The following TSHZ2 variants were observed in gnomAD, a reference collection of about 807,000 sequenced individuals.
TSHZ2 encodes teashirt homolog 2.
Under a neutral mutation model 74.4 loss-of-function variants are expected in TSHZ2, and 21 were observed. The ratio of observed to expected loss-of-function variants is 0.28; its 90% CI spans 0.20 to 0.41. The LOEUF (loss-of-function observed/expected upper bound fraction) is 0.41. Ranked by LOEUF, TSHZ2 falls within the 10% of genes least tolerant of loss-of-function variation. The pLI, the probability that TSHZ2 is intolerant of heterozygous loss-of-function variation, is 1.00. For synonymous variants in TSHZ2, 540 were observed against 515.3 expected, an observed-to-expected ratio of 1.05 and a Z score of -0.65; for missense variants, 1,244 against 1,293.5, an observed-to-expected ratio of 0.96 and a Z score of 0.59.
At chr20:53,209,397 T>C (rs1260898578) in intron 1 of TSHZ2, among the ~76,000 whole-genome samples, 1 of 152,202 alleles carries the variant, frequency 6.6e-6, no homozygotes, top group Non-Finnish European at 1.5e-5. Flanking sequence ...AAAATGCACA[T>C]ATAATTTAAC....
chr20:53,269,286 T>A (rs1990780414), intron 2 of TSHZ2, among the ~76,000 whole-genome samples: 1 of 146,606 alleles, frequency 6.8e-6, no homozygotes, highest in African/African-American at 2.5e-5. Context: ...GTGAAATGGA[T>A]GGTGCCACTT....
chr20:53,370,803 T>C (rs1191023073), intron 2 of TSHZ2, among the ~76,000 whole-genome samples: 1 of 152,038 alleles, frequency 6.6e-6, no homozygotes, highest in Non-Finnish European at 1.5e-5. Context: ...TAAAACACAT[T>C]TGTGGGTTGG....
At chr20:53,144,295 G>T (rs2123423582) in intron 1 of TSHZ2, among the ~76,000 whole-genome samples, 1 of 152,308 alleles carries the variant, frequency 6.6e-6, no homozygotes, top group East Asian at 1.9e-4. Flanking sequence ...AGACAGGAAG[G>T]GGATTTGTTT....
intron 2 of TSHZ2, among the ~76,000 whole-genome samples, chr20:53,432,454 G>C (rs1983880253): frequency 6.6e-6 from 1 of 152,174 alleles, no homozygotes; most frequent in Non-Finnish European, 1.5e-5. Flanking sequence ...GGTGCCTTTT[G>C]ATATAACAAT....
intron 1 of TSHZ2, chr20:53,196,241 TC>T (rs1988862470): frequency 6.6e-6 from 1 of 152,094 alleles, no homozygotes. Flanking sequence ...AGAGTCCCTT[TC>T]CCTCTCAATG....
intron 2 of TSHZ2, among the ~76,000 whole-genome samples, chr20:53,329,881 A>C (rs1400931151): frequency 1.3e-5 from 2 of 152,238 alleles, no homozygotes; most frequent in Admixed American, 1.3e-4. Flanking sequence ...TATCACTAAC[A>C]TTTTGGGACA....
intron 2 of TSHZ2, among the ~76,000 whole-genome samples, chr20:53,285,828 C>T (rs928133452): frequency 1.3e-5 from 2 of 152,176 alleles, no homozygotes; most frequent in Non-Finnish European, 2.9e-5. Flanking sequence ...CACAAAGGAT[C>T]TGTCAGGACA....
chr20:53,003,544 T>C (rs1982523685), intron 1 of TSHZ2, among the ~76,000 whole-genome samples: 2 of 152,324 alleles, frequency 1.3e-5, no homozygotes, highest in South Asian at 4.1e-4. Flanking sequence ...AAGAGTTTCT[T>C]CATTGTTGAG....
In TSHZ2 at chr20:53,254,002, C is replaced by T. The variant is rs1427621934; in HGVS notation, c.544C>T (p.Pro182Ser). 3.1e-6 allele frequency: 5 copies of T among 1,614,138 alleles called. No individual in the cohort carries two copies. The highest frequency in any genetic ancestry group is 4.2e-6 in the Non-Finnish European group (5 of 1,180,010). Reference sequence around the variant, plus strand: ...GTCCAAAAGCCTGCAGCAGAACTTGCCTTCTCGGTCCGTCTCGAAACCCAG... The same window carrying T: ...GTCCAAAAGCCTGCAGCAGAACTTGTCTTCTCGGTCCGTCTCGAAACCCAG... ...ALSKSLQQNL[P>S]SRSVSKPSLF... Residue 182 changes from proline to serine, a missense_variant, in exon 2 of 3, where the codon CCT (proline) becomes TCT (serine). Coordinates refer to ENST00000371497, the MANE Select transcript of TSHZ2 (RefSeq NM_173485.6).
intron 2 of TSHZ2, among the ~76,000 whole-genome samples, chr20:53,436,317 T>A (rs1296837496): frequency 6.6e-6 from 1 of 152,006 alleles, no homozygotes; most frequent in Non-Finnish European, 1.5e-5. Context: ...TTTTCTTTTA[T>A]CTCCAAGAAA....
chr20:53,255,966 A>G lies in TSHZ2; in HGVS notation c.2508A>G (p.Ser836=), dbSNP rs1407877339. The G allele has an allele frequency of 2.5e-6, 4 of 1,614,068 alleles. No individual in the cohort carries two copies. The highest frequency in any genetic ancestry group is 3.4e-6 in the Non-Finnish European group (4 of 1,179,946). The change falls in exon 2 of 3, where the codon TCA becomes TCG. Residue 836 remains serine, a synonymous_variant. Coordinates refer to ENST00000371497, the MANE Select transcript of TSHZ2 (RefSeq NM_173485.6). The surrounding 1 kb of genome is among the most constrained non-coding windows in gnomAD (Gnocchi z 4.1). ...RRFEDVSSEV[S]TLHKRKGRQS... is the part of the protein sequence containing the mutation. The stretch of plus-strand genomic sequence containing the variant: ...TTGAGGATGTCTCCAGTGAAGTCTC[A>G]ACTTTGCATAAAAGAAAAGGCCGGC...
At chr20:52,991,145 T>C (rs1299248291) in intron 1 of TSHZ2, among the ~76,000 whole-genome samples, 1 of 152,040 alleles carries the variant, frequency 6.6e-6, no homozygotes, top group Non-Finnish European at 1.5e-5. Context: ...TTATGTATAT[T>C]GTGGGTATTA....
intron 1 of TSHZ2, among the ~76,000 whole-genome samples, chr20:53,001,222 G>GTGTGTGTGTGTGTGTGTGTGTGTGTGTA: frequency 6.8e-6 from 1 of 147,268 alleles, no homozygotes; most frequent in African/African-American, 2.5e-5. Flanking sequence ...GTGTGTGTGT[G>GTGTGTGTGTGTGTGTGTGTGTGTGTGTA]TGTGTGTGTG....
chr20:53,103,934 T>G (rs1267485556), intron 1 of TSHZ2, among the ~76,000 whole-genome samples: 3 of 152,198 alleles, frequency 2.0e-5, no homozygotes, highest in African/African-American at 4.8e-5. Context: ...CCAAGAACAT[T>G]TTTAATGTTA....
intron 1 of TSHZ2, among the ~76,000 whole-genome samples, chr20:53,128,950 A>G (rs8120745): frequency 0.095 from 14,490 of 152,088 alleles, 2,002 homozygotes; most frequent in African/African-American, 0.31. Context: ...GCGCCAGGAG[A>G]AAGTCCAAAT....
intron 1 of TSHZ2, among the ~76,000 whole-genome samples, chr20:53,087,445 A>G (rs1171353387): frequency 6.6e-6 from 1 of 152,216 alleles, no homozygotes; most frequent in Non-Finnish European, 1.5e-5. Context: ...TTTAGCTCTG[A>G]CAGTCGGCTC....
chr20:53,041,944 C>G (rs1176628277), intron 1 of TSHZ2, among the ~76,000 whole-genome samples: 1 of 152,120 alleles, frequency 6.6e-6, no homozygotes, highest in African/African-American at 2.4e-5. Flanking sequence ...TCCAGGAAAT[C>G]TGATTATGGT....
intron 2 of TSHZ2, among the ~76,000 whole-genome samples, chr20:53,462,696 G>A (rs547896148): frequency 5.3e-5 from 8 of 152,220 alleles, no homozygotes; most frequent in Non-Finnish European, 1.2e-4. Context: ...TGATTTGGGG[G>A]TGGAGGAAAG....
intron 2 of TSHZ2, among the ~76,000 whole-genome samples, chr20:53,261,782 T>C (rs1335592416): frequency 6.6e-6 from 1 of 152,250 alleles, no homozygotes; most frequent in Non-Finnish European, 1.5e-5. Context: ...TTTCGCTAAA[T>C]TGAAAATCCA....
Sources: allele counts gnomAD v4.1 joint callset (sites outside exome capture counted in the v4.1 genomes callset), GRCh38; gene constraint gnomAD v4.1.1; non-coding constraint Gnocchi (gnomAD v3.1); transcripts MANE v1.5; gene names NCBI Gene and HGNC (gene_info 2026-07-23, HGNC 2026-07-21).